The following KCNK5 variants were observed in gnomAD, a reference collection of about 807,000 sequenced individuals.
KCNK5 encodes potassium two pore domain channel subfamily K member 5, also known as potassium channel subfamily K member 5.
A neutral mutation model predicts 32.9 loss-of-function variants in KCNK5; 18 were observed. That is an observed-to-expected ratio of 0.55 (90% CI 0.38 to 0.81). The LOEUF (loss-of-function observed/expected upper bound fraction) is 0.81. Ranked by LOEUF, KCNK5 falls within the 30% of genes least tolerant of loss-of-function variation. KCNK5 has a pLI of 0.00. For synonymous variants in KCNK5, 276 were observed against 275.3 expected (o/e 1.00, Z -0.03); for missense variants, 507 against 651.0 (o/e 0.78, Z 2.41).
intron 1 of KCNK5, among the ~76,000 whole-genome samples, chr6:39,197,368 C>T (rs938892572): frequency 1.3e-5 from 2 of 152,234 alleles, no homozygotes; most frequent in African/African-American, 4.8e-5. Context: ...CATGATGGCA[C>T]GCTTGTCTGT....
intron 1 of KCNK5, among the ~76,000 whole-genome samples, chr6:39,201,899 G>A (rs1375033294): frequency 6.6e-6 from 1 of 152,160 alleles, no homozygotes; most frequent in Non-Finnish European, 1.5e-5. Context: ...TTTGCCCAAG[G>A]TCACAGAGCT....
intron 1 of KCNK5, among the ~76,000 whole-genome samples, chr6:39,218,173 C>A (rs944253194): frequency 6.6e-6 from 1 of 150,946 alleles, no homozygotes; most frequent in East Asian, 2.0e-4. Context: ...CAGGTTCAAG[C>A]GATTCTCCTG....
chr6:39,193,785 C>T (rs1023036819), intron 4 of KCNK5, among the ~76,000 whole-genome samples: 3 of 152,132 alleles, frequency 2.0e-5, no homozygotes, highest in South Asian at 2.1e-4. Flanking sequence ...CTGCTGAGGG[C>T]GTGGAGTGGG....
Position 39,194,382 on chromosome 6 carries a change from GA to G in KCNK5, c.466-46del, listed in dbSNP as rs1376245456. 6.4e-7 allele frequency: 1 copy of G among 1,558,130 alleles called. No homozygotes were observed. The highest frequency in any genetic ancestry group is 1.2e-5 in the South Asian group (1 of 80,460). ...CAAGTCAGAGAATAGTGGAGACTTG[GA>G]AACCCAGCAAAGGCACCCAGAGGGC... On this transcript the variant is annotated intron_variant, in intron 3 of 4. Coordinates refer to ENST00000359534, the MANE Select transcript of KCNK5 (RefSeq NM_003740.4). The surrounding 1 kb of genome is among the most constrained non-coding windows in gnomAD (Gnocchi z 4.7).
Position 39,191,840 on chromosome 6 carries a change from G to A in KCNK5, c.635-85C>T. 6.9e-7 allele frequency: 1 copy of A among 1,455,204 alleles called. No homozygotes were observed. The highest frequency in any genetic ancestry group is 1.3e-5 in the South Asian group (1 of 77,564). The allele number at this position is 1,455,204 out of a possible 1,614,324, so 90.1% of individuals were successfully genotyped here. On this transcript the variant is annotated intron_variant, in intron 4 of 4. Transcript: ENST00000359534. The surrounding 1 kb of genome is among the most constrained non-coding windows in gnomAD (Gnocchi z 5.8). ...TGGCCAATGCTGTGTGATCTGAGCAGGGGTCAGGCCAGAGCACAGGACGGG... is the reference window on the plus strand; with the variant it reads ...TGGCCAATGCTGTGTGATCTGAGCAAGGGTCAGGCCAGAGCACAGGACGGG...
At position 39,194,568 on chromosome 6, in the gene KCNK5, C is replaced by T. The variant is rs1477259861; in HGVS notation, c.465+26G>A. ...ACCTGTCATGGTTCCCCCATCTCTG[C>T]CCAACACCCAGGGTAGGGGACATAC... is the stretch of plus-strand genomic sequence containing the variant. On this transcript the variant is annotated intron_variant, in intron 3 of 4. Coordinates refer to ENST00000359534, the MANE Select transcript of KCNK5 (RefSeq NM_003740.4). The surrounding 1 kb of genome is among the most constrained non-coding windows in gnomAD (Gnocchi z 4.7). The T allele has an allele frequency of 1.1e-5, 18 of 1,612,248 alleles. No homozygotes were observed. Among genetic ancestry groups the T allele is most frequent in the Admixed American group, 3.3e-5 (2 of 59,918 alleles).
At chr6:39,218,648 C>T (rs1190875717) in intron 1 of KCNK5, among the ~76,000 whole-genome samples, 1 of 152,146 alleles carries the variant, frequency 6.6e-6, no homozygotes, top group Non-Finnish European at 1.5e-5. Context: ...GGTTGGGATG[C>T]ACACGAGCAC....
intron 1 of KCNK5, among the ~76,000 whole-genome samples, chr6:39,198,405 C>T (rs1771064823): frequency 2.0e-5 from 3 of 152,124 alleles, no homozygotes; most frequent in Admixed American, 1.3e-4. Flanking sequence ...GCAGTGGATG[C>T]AAAATTGGGG....
At chr6:39,202,689 A>G (rs944310425) in intron 1 of KCNK5, among the ~76,000 whole-genome samples, 1 of 152,138 alleles carries the variant, frequency 6.6e-6, no homozygotes, top group African/African-American at 2.4e-5. Flanking sequence ...CCAGCTGACC[A>G]CTTTCCTTAC....
intron 1 of KCNK5, among the ~76,000 whole-genome samples, chr6:39,218,229 T>C (rs996795756): frequency 6.6e-6 from 1 of 151,924 alleles, no homozygotes; most frequent in African/African-American, 2.4e-5. Context: ...CACCACCACG[T>C]CCAGCTAATT....
Position 39,190,673 on chromosome 6 carries a change from C to T in KCNK5, c.*217G>A. The T allele has an allele frequency of 2.1e-6, 1 of 474,304 alleles. No individual in the cohort carries two copies. 29.4% of individuals were successfully genotyped at this position (474,304 alleles called of 1,614,324 possible). A position where few individuals can be genotyped will look rare whatever the true frequency, so the allele number is the denominator to read the frequency against. On this transcript the variant is annotated 3_prime_UTR_variant, in exon 5 of 5. Coordinates refer to ENST00000359534, the MANE Select transcript of KCNK5 (RefSeq NM_003740.4). ...ACACCAGCCAAGCTCAGGACAGATG[C>T]CCCCACAGCCAGGGTATGGTTCAGC...
At position 39,191,315 on chromosome 6, in the gene KCNK5, A is replaced by C; in HGVS notation, c.1075T>G (p.Ser359Ala). The change falls in exon 5 of 5, where the codon TCA becomes GCA. Residue 359 changes from serine (S) to alanine (A), a missense_variant. Around this residue, in one of 6 missense-constraint regions of KCNK5, gnomAD observed 252 missense variants for 250.8 expected, o/e 1.00. Coordinates refer to ENST00000359534, the MANE Select transcript of KCNK5 (RefSeq NM_003740.4). This position sits in a 1 kb window ranked among gnomAD's most constrained non-coding sequence, Gnocchi z 5.8. ...KNRVPTLEEV[S>A]QTLRSKGHVS... ...TGGCCTTTGCTCCTCAGTGTCTGTG[A>C]CACCTCTTCCAAGGTGGGCACCCGG... 6.2e-7 allele frequency: 1 copy of C among 1,613,852 alleles called. No homozygotes were observed. Among genetic ancestry groups the C allele is most frequent in the Non-Finnish European group, 8.5e-7 (1 of 1,179,986 alleles).
intron 1 of KCNK5, among the ~76,000 whole-genome samples, chr6:39,222,405 A>G (rs1771569735): frequency 6.6e-6 from 1 of 152,202 alleles, no homozygotes; most frequent in South Asian, 2.1e-4. Flanking sequence ...GCCCACAGAA[A>G]TGTCGTTATT....
At chr6:39,198,505 C>T (rs1771066821) in intron 1 of KCNK5, among the ~76,000 whole-genome samples, 1 of 152,194 alleles carries the variant, frequency 6.6e-6, no homozygotes, top group Admixed American at 6.5e-5. Flanking sequence ...CCAAAATCAA[C>T]AACATACAAG....
At chr6:39,223,647 G>A (rs942404785) in intron 1 of KCNK5, among the ~76,000 whole-genome samples, 3 of 152,026 alleles carry the variant, frequency 2.0e-5, no homozygotes, top group Non-Finnish European at 4.4e-5. Context: ...CTCCACTCAG[G>A]GGCCTGGCTC....
intron 1 of KCNK5, among the ~76,000 whole-genome samples, chr6:39,205,493 C>A (rs1444026834): frequency 6.6e-6 from 1 of 152,212 alleles, no homozygotes; most frequent in Non-Finnish European, 1.5e-5. Context: ...TTCACAACCA[C>A]TGCCCTGCCC....
intron 1 of KCNK5, among the ~76,000 whole-genome samples, chr6:39,227,880 T>C (rs1771702929): frequency 6.6e-6 from 1 of 152,156 alleles, no homozygotes; most frequent in Admixed American, 6.5e-5. Flanking sequence ...TTCTGGCATC[T>C]TTCACCCTGA....
intron 1 of KCNK5, among the ~76,000 whole-genome samples, chr6:39,206,093 C>T (rs1373252370): frequency 1.3e-5 from 2 of 152,132 alleles, no homozygotes; most frequent in Non-Finnish European, 2.9e-5. Context: ...TATAGAGAGG[C>T]TAGAAAGATG....
intron 4 of KCNK5, among the ~76,000 whole-genome samples, chr6:39,193,412 A>T (rs1770975521): frequency 6.6e-6 from 1 of 152,250 alleles, no homozygotes; most frequent in South Asian, 2.1e-4. Context: ...CCCTCTGGGC[A>T]AAAGGGAGGG....
Sources: allele counts gnomAD v4.1 joint callset (sites outside exome capture counted in the v4.1 genomes callset), GRCh38; gene constraint gnomAD v4.1.1; regional missense constraint gnomAD v4.1.1; non-coding constraint Gnocchi (gnomAD v3.1); transcripts MANE v1.5; gene names NCBI Gene and HGNC (gene_info 2026-07-23, HGNC 2026-07-21).